The following RBFOX1 variants were observed in gnomAD, a reference collection of about 807,000 sequenced individuals.
The protein encoded by RBFOX1 is RNA binding fox-1 homolog 1.
RBFOX1 carries 8 observed loss-of-function variants against 57.7 expected under a neutral mutation model. The observed-to-expected ratio is 0.14, with a 90% CI of 0.08 to 0.25. The LOEUF is 0.25. RBFOX1 is among the 10% of genes least tolerant of loss of function. The pLI is 1.00. For synonymous variants in RBFOX1, 326 were observed against 222.4 expected (o/e 1.47, Z -4.15); for missense variants, 611 against 548.5 (o/e 1.11, Z -1.14).
At chr16:7,000,523 G>C (rs368850104) in intron 3 of RBFOX1, among the ~76,000 whole-genome samples, 15 of 148,934 alleles carry the variant, frequency 1.0e-4, no homozygotes, top group Admixed American at 2.7e-4. Flanking sequence ...AGTTTGATGA[G>C]ATTTTTGTTC....
At chr16:5,949,802 T>C (rs1007597214) in intron 4 of RBFOX1, among the ~76,000 whole-genome samples, 1 of 152,178 alleles carries the variant, frequency 6.6e-6, no homozygotes, top group African/African-American at 2.4e-5. Context: ...CCCAAGCCTA[T>C]TGAATCAGAA....
chr16:6,258,871 C>A (rs1285410351), intron 1 of RBFOX1, among the ~76,000 whole-genome samples: 2 of 151,924 alleles, frequency 1.3e-5, no homozygotes, highest in African/African-American at 2.4e-5. Flanking sequence ...CTCATGTACC[C>A]CATAAAGATA....
intron 2 of RBFOX1, among the ~76,000 whole-genome samples, chr16:6,465,111 G>A (rs1597626480): frequency 6.6e-6 from 1 of 152,238 alleles, no homozygotes; most frequent in East Asian, 1.9e-4. Context: ...TTGTTCTTAT[G>A]GAACTGCTGA....
chr16:6,987,832 T>G (rs1416836218), intron 3 of RBFOX1, among the ~76,000 whole-genome samples: 1 of 152,088 alleles, frequency 6.6e-6, no homozygotes, highest in Non-Finnish European at 1.5e-5. Flanking sequence ...ACAGAAGAGA[T>G]TAGAAATCCA....
At chr16:5,806,428 G>A (rs1309556398) in intron 3 of RBFOX1, among the ~76,000 whole-genome samples, 4 of 152,144 alleles carry the variant, frequency 2.6e-5, no homozygotes, top group African/African-American at 7.2e-5. Context: ...GAGCCAGAAA[G>A]GGAGCCAAAG....
At chr16:6,998,716 G>T (rs912147020) in intron 3 of RBFOX1, among the ~76,000 whole-genome samples, 2 of 152,096 alleles carry the variant, frequency 1.3e-5, no homozygotes, top group African/African-American at 4.8e-5. Flanking sequence ...GCTACAGGTT[G>T]TCTTGTACAG....
chr16:7,363,381 C>T (rs548490412), intron 4 of RBFOX1, among the ~76,000 whole-genome samples: 1 of 152,108 alleles, frequency 6.6e-6, no homozygotes, highest in Non-Finnish European at 1.5e-5. Flanking sequence ...AAAACAAAGC[C>T]AATTGCATTA....
intron 2 of RBFOX1, among the ~76,000 whole-genome samples, chr16:5,467,771 G>C (rs2068998490): frequency 6.6e-6 from 1 of 152,168 alleles, no homozygotes; most frequent in Non-Finnish European, 1.5e-5. Context: ...TTCTAATGAA[G>C]CCACATGGCC....
At chr16:6,625,652 C>G (rs12930144) in intron 2 of RBFOX1, among the ~76,000 whole-genome samples, 1 of 152,102 alleles carries the variant, frequency 6.6e-6, no homozygotes, top group South Asian at 2.1e-4. Flanking sequence ...CCACCGCCCC[C>G]GCCCCAAGAA....
chr16:6,774,075 T>G, intron 3 of RBFOX1: 1 of 884,058 alleles, frequency 1.1e-6, no homozygotes, highest in Non-Finnish European at 1.4e-6. Flanking sequence ...TCCCATTAAT[T>G]TCCTAGCTTT....
intron 1 of RBFOX1, among the ~76,000 whole-genome samples, chr16:6,231,394 G>T (rs1156904418): frequency 6.6e-6 from 1 of 152,072 alleles, no homozygotes; most frequent in Non-Finnish European, 1.5e-5. Context: ...CTTAAATGTT[G>T]CCCAAAGAAT....
chr16:7,520,933 T>C (rs576729869), intron 5 of RBFOX1, among the ~76,000 whole-genome samples: 4 of 152,360 alleles, frequency 2.6e-5, no homozygotes, highest in African/African-American at 9.6e-5. Flanking sequence ...CCAGGATTCA[T>C]ACTAGCTGCC....
At chr16:6,194,303 C>G (rs1247416890) in intron 1 of RBFOX1, among the ~76,000 whole-genome samples, 1 of 152,166 alleles carries the variant, frequency 6.6e-6, no homozygotes, top group Non-Finnish European at 1.5e-5. Flanking sequence ...CTCACCCAGG[C>G]TGCTGCAACG....
At chr16:5,437,475 G>A (rs1200012373) in intron 1 of RBFOX1, among the ~76,000 whole-genome samples, 1 of 152,200 alleles carries the variant, frequency 6.6e-6, no homozygotes, top group East Asian at 1.9e-4. Context: ...AGTGTACTGA[G>A]TGCTGTTATA....
chr16:5,627,067 C>G (rs1479853070), intron 3 of RBFOX1, among the ~76,000 whole-genome samples: 3 of 152,318 alleles, frequency 2.0e-5, no homozygotes, highest in Admixed American at 2.0e-4. Flanking sequence ...TTTGCAGTTG[C>G]TGCTTTCCTC....
intron 15 of RBFOX1, chr16:7,709,769 A>T: frequency 2.6e-6 from 3 of 1,164,414 alleles, no homozygotes; most frequent in Non-Finnish European, 3.2e-6. Context: ...GGGGAGGGTA[A>T]AAAATGGGAG....
chr16:6,990,183 T>A (rs1041883208), intron 3 of RBFOX1, among the ~76,000 whole-genome samples: 12 of 152,132 alleles, frequency 7.9e-5, no homozygotes, highest in Admixed American at 5.2e-4. Flanking sequence ...AAGAAATGAA[T>A]GGAATGGCAA....
chr16:7,463,157 A>G (rs1047122847), intron 4 of RBFOX1, among the ~76,000 whole-genome samples: 7 of 152,150 alleles, frequency 4.6e-5, no homozygotes, highest in African/African-American at 1.7e-4. Flanking sequence ...CCCTCTTGCT[A>G]TGCCCTCAGA....
chr16:7,016,956 A>G (rs2093946555), intron 3 of RBFOX1, among the ~76,000 whole-genome samples: 1 of 152,128 alleles, frequency 6.6e-6, no homozygotes. Context: ...TTTTTGTCCC[A>G]TCAGTAGTAA....
Sources: gnomAD v4.1 joint callset for allele counts (sites outside exome capture counted in the v4.1 genomes callset) on GRCh38, gnomAD v4.1.1 for gene constraint, MANE v1.5 for transcripts, NCBI Gene and HGNC (gene_info 2026-07-23, HGNC 2026-07-21) for gene names.